NRXN1: variants seen among roughly 807,000 people sequenced by gnomAD.
NRXN1 encodes neurexin-1.
NRXN1 carries 39 observed loss-of-function variants against 150.9 expected under a neutral mutation model. The ratio of observed to expected loss-of-function variants is 0.26; its 90% CI spans 0.20 to 0.34. The LOEUF is 0.34. Among genes scored for constraint, NRXN1 ranks in the 10% least tolerant of loss-of-function variants. The pLI is 1.00. For missense variants in NRXN1, 1,815 were observed against 1,949.9 expected, an observed-to-expected ratio of 0.93 and a Z score of 1.30; for synonymous variants, 924 against 757.0, an observed-to-expected ratio of 1.22 and a Z score of -3.62.
chr2:50,762,926 G>C (rs1210622535), intron 5 of NRXN1, among the ~76,000 whole-genome samples: 1 of 151,976 alleles, frequency 6.6e-6, no homozygotes, highest in Non-Finnish European at 1.5e-5. Flanking sequence ...AGTGGTGCAA[G>C]CTTCTTGCTT....
At chr2:50,318,772 T>C (rs1297771167) in intron 17 of NRXN1, among the ~76,000 whole-genome samples, 18 of 152,040 alleles carry the variant, frequency 1.2e-4, no homozygotes, top group Non-Finnish European at 2.6e-4. Context: ...TTTTAAAAAG[T>C]AAGAAGATTA....
At chr2:50,525,170 C>T (rs759507461) in intron 12 of NRXN1, among the ~76,000 whole-genome samples, 1 of 152,168 alleles carries the variant, frequency 6.6e-6, no homozygotes, top group African/African-American at 2.4e-5. Flanking sequence ...AAACAGTCAT[C>T]TTCTCATGCA....
At chr2:50,146,993 A>T (rs1708099276) in intron 18 of NRXN1, among the ~76,000 whole-genome samples, 1 of 151,702 alleles carries the variant, frequency 6.6e-6, no homozygotes, top group Admixed American at 6.6e-5. Context: ...CTACATAAAT[A>T]ATTCCCTAAG....
Position 50,973,040 on chromosome 2 carries a change from G to A in NRXN1, c.773-47085C>T, listed in dbSNP as rs958312665. Reference sequence around the variant, plus strand: ...ATGGCAATCTGTACTGGGTATCTTTGTCATGGTGTCTTCCGTGTCTGTTTT... The same window carrying A: ...ATGGCAATCTGTACTGGGTATCTTTATCATGGTGTCTTCCGTGTCTGTTTT... On this transcript the variant is annotated intron_variant, in intron 2 of 22. Coordinates refer to ENST00000401669, the MANE Select transcript of NRXN1 (RefSeq NM_001330078.2). Among the ~76,000 whole-genome samples the A allele has an allele frequency of 3.3e-5, 5 of 152,262 alleles. No homozygotes were observed. In the East Asian group the frequency reaches 9.6e-4, roughly 29 times the overall value.
chr2:50,453,134 T>G (rs2087160599), intron 17 of NRXN1, among the ~76,000 whole-genome samples: 1 of 152,210 alleles, frequency 6.6e-6, no homozygotes, highest in Non-Finnish European at 1.5e-5. Flanking sequence ...AAGTCTTTCA[T>G]TATCTGGAAA....
intron 2 of NRXN1, among the ~76,000 whole-genome samples, chr2:50,950,800 C>T (rs995655721): frequency 6.6e-6 from 1 of 152,148 alleles, no homozygotes; most frequent in Non-Finnish European, 1.5e-5. Flanking sequence ...TACAAAGATA[C>T]CTTGTTTATT....
At chr2:50,096,772 T>A (rs113805550) in intron 18 of NRXN1, among the ~76,000 whole-genome samples, 1 of 152,212 alleles carries the variant, frequency 6.6e-6, no homozygotes, top group Non-Finnish European at 1.5e-5. Context: ...GATTATATTA[T>A]TAAACCAAGT....
intron 5 of NRXN1, among the ~76,000 whole-genome samples, chr2:50,840,392 C>G (rs571471612): frequency 2.7e-4 from 41 of 152,250 alleles, no homozygotes; most frequent in African/African-American, 9.9e-4. Context: ...ACAATTTTCT[C>G]TCACTATGTA....
intron 5 of NRXN1, among the ~76,000 whole-genome samples, chr2:50,800,132 C>A (rs187253286): frequency 2.2e-4 from 33 of 152,274 alleles, no homozygotes. Flanking sequence ...CTGTTTTAAT[C>A]TTGTCATTTT....
intron 17 of NRXN1, among the ~76,000 whole-genome samples, chr2:50,422,367 C>A (rs936896079): frequency 6.6e-6 from 1 of 152,040 alleles, no homozygotes; most frequent in Non-Finnish European, 1.5e-5. Context: ...TGTATTACCA[C>A]TGGGCTGATT....
chr2:50,833,273 G>A (rs1574642054), intron 5 of NRXN1, among the ~76,000 whole-genome samples: 1 of 152,190 alleles, frequency 6.6e-6, no homozygotes, highest in Admixed American at 6.5e-5. Flanking sequence ...CAGTTTGGCA[G>A]TATCCTATAA....
chr2:50,883,817 G>A (rs536367876), intron 5 of NRXN1, among the ~76,000 whole-genome samples: 1 of 151,888 alleles, frequency 6.6e-6, no homozygotes, highest in Non-Finnish European at 1.5e-5. Flanking sequence ...TCCTGACACA[G>A]AAGCCTACAA....
At chr2:50,076,995 A>T (rs1341344543) in intron 19 of NRXN1, among the ~76,000 whole-genome samples, 1 of 152,196 alleles carries the variant, frequency 6.6e-6, no homozygotes, top group Non-Finnish European at 1.5e-5. Flanking sequence ...AGCATTGCAT[A>T]ATCCTACAAA....
Position 50,653,976 on chromosome 2 carries a change from CTT to C in NRXN1, c.833-30363_833-30362del, listed in dbSNP as rs35931647. Among the ~76,000 whole-genome samples, 976 of 127,378 alleles carry C rather than the reference CTT, an allele frequency of 7.7e-3. 4 individuals are homozygous for C. The highest frequency in any genetic ancestry group is 0.012 in the Non-Finnish European group (764 of 61,260). 83.6% of individuals were successfully genotyped at this position (127,378 alleles called of 152,430 possible). On this transcript the variant is annotated intron_variant, in intron 5 of 22. Transcript: ENST00000401669. ...CTTTCTTCTCTTTTGGCCTTTTCAT[CTT>C]TTTTTTTTTTTTTTCTGGTTCTCCA...
chr2:50,597,138 C>T (rs1375057243), intron 8 of NRXN1, among the ~76,000 whole-genome samples: 1 of 152,068 alleles, frequency 6.6e-6, no homozygotes, highest in Non-Finnish European at 1.5e-5. Context: ...AGTCACCGTG[C>T]CCGGTGGGAC....
intron 5 of NRXN1, among the ~76,000 whole-genome samples, chr2:50,740,492 G>A (rs1699300188): frequency 6.6e-6 from 1 of 152,150 alleles, no homozygotes; most frequent in Non-Finnish European, 1.5e-5. Context: ...TAAAGAACCT[G>A]GAGTTGTCAA....
At chr2:50,395,334 A>G (rs570442125) in intron 17 of NRXN1, among the ~76,000 whole-genome samples, 1 of 151,778 alleles carries the variant, frequency 6.6e-6, no homozygotes, top group Non-Finnish European at 1.5e-5. Flanking sequence ...AAGTGCTAAA[A>G]TGTGCTGTTT....
chr2:50,017,977 C>A (rs59557443), intron 21 of NRXN1, among the ~76,000 whole-genome samples: 1 of 151,960 alleles, frequency 6.6e-6, no homozygotes, highest in Non-Finnish European at 1.5e-5. Context: ...CAGGATGCTA[C>A]GGTATTTTTA....
At chr2:50,081,972 CTG>C (rs971597171) in intron 19 of NRXN1, among the ~76,000 whole-genome samples, 2 of 152,090 alleles carry the variant, frequency 1.3e-5, no homozygotes, top group African/African-American at 4.8e-5. Flanking sequence ...ATAAAAGCGA[CTG>C]TTATAAAATA....
Sources: gnomAD v4.1 joint callset for allele counts (sites outside exome capture counted in the v4.1 genomes callset) on GRCh38, gnomAD v4.1.1 for gene constraint, MANE v1.5 for transcripts, NCBI Gene and HGNC (gene_info 2026-07-23, HGNC 2026-07-21) for gene names.